The following RYR2 variants were observed in gnomAD, a reference collection of about 807,000 sequenced individuals.
RYR2 encodes the protein cardiac muscle ryanodine receptor-calcium release channel.
A neutral mutation model predicts 601.1 loss-of-function variants in RYR2; 227 were observed. The ratio of observed to expected loss-of-function variants is 0.38; its 90% CI spans 0.34 to 0.42. The LOEUF (loss-of-function observed/expected upper bound fraction) is 0.42, where lower values mean the gene tolerates loss of function less well. RYR2 is among the 10% of genes least tolerant of loss of function. The pLI, the probability that RYR2 is intolerant of heterozygous loss-of-function variation, is 1.00. For synonymous variants in RYR2, 2,223 were observed against 2,175.1 expected (o/e 1.02, Z -0.61); for missense variants, 4,646 against 6,156.5 (o/e 0.75, Z 8.21).
chr1:237,680,361 T>C (rs969873598), intron 61 of RYR2, 95 bp from the exon 62 acceptor site: 143 of 984,098 alleles, frequency 1.5e-4, no homozygotes, highest in Non-Finnish European at 2.1e-4. Flanking sequence ...ACCTGTTGCA[T>C]GTGAACAGAA....
At chr1:237,544,270 G>A (rs1455794092) in intron 25 of RYR2, among the ~76,000 whole-genome samples, 1 of 152,120 alleles carries the variant, frequency 6.6e-6, no homozygotes, top group African/African-American at 2.4e-5. Context: ...GAATGTGCAT[G>A]TTAAAGAAAG....
chr1:237,056,309 GTGAGGACTGGAGCACTGCACCTA>G (rs1366493339), intron 1 of RYR2, among the ~76,000 whole-genome samples: 8 of 143,104 alleles, frequency 5.6e-5, no homozygotes, highest in South Asian at 2.2e-4. Context: ...CACTGCACCT[GTGAGGACTGGAGCACTGCACCTA>G]TGAGGACTGG....
chr1:237,822,801 C>G (rs1773468), intron 101 of RYR2, among the ~76,000 whole-genome samples: 39,957 of 152,012 alleles, frequency 0.26, 5,711 homozygotes, highest in East Asian at 0.61. Flanking sequence ...TGTGCAAAGA[C>G]ACACATGGGC....
Position 237,229,676 on chromosome 1 carries a change from A to T in RYR2, c.49-40821A>T, listed in dbSNP as rs901472162. The stretch of plus-strand genomic sequence containing the variant: ...CCTAAAGTGGCTGCGGGGGTGGGGA[A>T]GGTGGCATTGGTGCCAGTTAGCATA... On this transcript the variant is annotated intron_variant, in intron 1 of 104. Coordinates refer to ENST00000366574, the MANE Select transcript of RYR2 (RefSeq NM_001035.3). Among the ~76,000 whole-genome samples the T allele has an allele frequency of 2.0e-5, 3 of 152,230 alleles. No homozygotes were observed. The South Asian group carries it at 6.2e-4, about 31-fold the overall frequency.
rs373913909 is a variant in RYR2 at position 237,788,057 on chromosome 1, C to T, written c.13398C>T (p.His4466=). 70 of 1,611,304 alleles carry T rather than the reference C, an allele frequency of 4.3e-5. No individual in the cohort carries two copies. Among genetic ancestry groups the T allele is most frequent in the Non-Finnish European group, 5.4e-5 (64 of 1,178,572 alleles). ...DKGKQKLRQL[H]THRYGEPEVP... The stretch of plus-strand genomic sequence containing the variant: ...GCAAACAAAAGTTGAGGCAGCTTCA[C>T]ACACACAGATACGGAGAACCAGAAG... Residue 4466 remains histidine, a synonymous_variant, in exon 92 of 105, where the codon CAC becomes CAT. Coordinates refer to ENST00000366574, the MANE Select transcript of RYR2 (RefSeq NM_001035.3).
chr1:237,778,318 T>C (rs1694820854), intron 87 of RYR2, among the ~76,000 whole-genome samples: 1 of 151,782 alleles, frequency 6.6e-6, no homozygotes, highest in East Asian at 1.9e-4. Context: ...AAATAGTGAC[T>C]ATTGATTGAT....
At chr1:237,064,930 A>G (rs544708300) in intron 1 of RYR2, among the ~76,000 whole-genome samples, 1 of 152,252 alleles carries the variant, frequency 6.6e-6, no homozygotes, top group East Asian at 1.9e-4. Context: ...AGTTTAGTTC[A>G]GTACCAGCGT....
chr1:237,711,636 A>T, intron 70 of RYR2, 109 bp from the exon 71 acceptor site: 1 of 653,836 alleles, frequency 1.5e-6, no homozygotes. Flanking sequence ...TAATTCTTAT[A>T]TATCAAATTA....
chr1:237,056,708 A>G (rs1403709765), intron 1 of RYR2, among the ~76,000 whole-genome samples: 1 of 73,892 alleles, frequency 1.4e-5, no homozygotes, highest in Non-Finnish European at 2.7e-5. Context: ...TGAGGACTGC[A>G]GCACTGCACC....
At chr1:237,643,779 AT>A (rs553690643) in intron 48 of RYR2, among the ~76,000 whole-genome samples, 1 of 151,426 alleles carries the variant, frequency 6.6e-6, no homozygotes. Flanking sequence ...TGCCCGGCTA[AT>A]TTTTTTTGTA....
At chr1:237,316,587 T>C (rs1572579104) in intron 2 of RYR2, among the ~76,000 whole-genome samples, 1 of 152,222 alleles carries the variant, frequency 6.6e-6, no homozygotes, top group East Asian at 1.9e-4. Flanking sequence ...GTTCCTTACG[T>C]CAGCTGATGG....
chr1:237,471,552 G>A (rs1660722434), intron 17 of RYR2, among the ~76,000 whole-genome samples: 1 of 152,202 alleles, frequency 6.6e-6, no homozygotes, highest in Non-Finnish European at 1.5e-5. Flanking sequence ...TATCTGTAAA[G>A]AGATAGGTGC....
chr1:237,724,215 A>ATATG (rs1553301029), intron 74 of RYR2, among the ~76,000 whole-genome samples: 11 of 123,120 alleles, frequency 8.9e-5, no homozygotes, highest in African/African-American at 2.9e-4. Context: ...ATATATATAT[A>ATATG]TATGTATGTG....
At chr1:237,308,137 G>C (rs536568380) in intron 2 of RYR2, among the ~76,000 whole-genome samples, 12 of 152,222 alleles carry the variant, frequency 7.9e-5, no homozygotes, top group Non-Finnish European at 1.6e-4. Flanking sequence ...TGTTTAAACA[G>C]ACCCAGACTT....
intron 95 of RYR2, among the ~76,000 whole-genome samples, chr1:237,794,936 A>G (rs1020769419): frequency 6.6e-6 from 1 of 152,168 alleles, no homozygotes; most frequent in African/African-American, 2.4e-5. Context: ...GGGAAAAACA[A>G]TGACAGGTTT....
intron 10 of RYR2, among the ~76,000 whole-genome samples, chr1:237,400,213 C>A (rs1309880085): frequency 6.6e-6 from 1 of 152,200 alleles, no homozygotes; most frequent in Non-Finnish European, 1.5e-5. Flanking sequence ...GTTACAACTG[C>A]ACATGACCAG....
chr1:237,493,644 G>A (rs567084800), intron 19 of RYR2, among the ~76,000 whole-genome samples: 1 of 152,182 alleles, frequency 6.6e-6, no homozygotes, highest in South Asian at 2.1e-4. Flanking sequence ...AGTAGAGACA[G>A]GGTTTCACCG....
chr1:237,770,078 C>G (rs540503278), intron 84 of RYR2, among the ~76,000 whole-genome samples: 1 of 152,074 alleles, frequency 6.6e-6, no homozygotes, highest in Non-Finnish European at 1.5e-5. Flanking sequence ...CTAGGGGACG[C>G]CTTTCTTTTC....
intron 92 of RYR2, among the ~76,000 whole-genome samples, chr1:237,788,653 G>C (rs147897215): frequency 0.01 from 1,538 of 152,062 alleles, 34 homozygotes; most frequent in African/African-American, 0.034. Flanking sequence ...AAAAATATTA[G>C]CTAATTGAGC....
Sources: gnomAD v4.1 joint callset for allele counts (sites outside exome capture counted in the v4.1 genomes callset) on GRCh38, gnomAD v4.1.1 for gene constraint, MANE v1.5 for transcripts, NCBI Gene and HGNC (gene_info 2026-07-23, HGNC 2026-07-21) for gene names.